ITGA8: variants seen among roughly 807,000 people sequenced by gnomAD.
ITGA8 encodes integrin alpha-8.
A neutral mutation model predicts 142.3 loss-of-function variants in ITGA8; 91 were observed. That is an observed-to-expected ratio of 0.64 (90% CI 0.54 to 0.76). The LOEUF (loss-of-function observed/expected upper bound fraction) is 0.76. Among genes scored for constraint, ITGA8 ranks in the 30% least tolerant of loss-of-function variants. The probability of loss-of-function intolerance (pLI) is 0.00; values close to 1 mark genes in which losing one functional copy is unlikely to be tolerated. For synonymous variants in ITGA8, 505 were observed against 485.2 expected (o/e 1.04, Z -0.54); for missense variants, 1,406 against 1,327.7 (o/e 1.06, Z -0.92).
At chr10:15,646,441 T>C (rs1035600418) in intron 12 of ITGA8, among the ~76,000 whole-genome samples, 1 of 152,216 alleles carries the variant, frequency 6.6e-6, no homozygotes, top group Non-Finnish European at 1.5e-5. Flanking sequence ...AACCATTACC[T>C]GGAGCTCTGA....
intron 20 of ITGA8, among the ~76,000 whole-genome samples, chr10:15,600,238 C>A (rs1157472416): frequency 6.6e-6 from 1 of 151,870 alleles, no homozygotes. Context: ...TTAGGTATAT[C>A]TCCTAATGCT....
At chr10:15,557,121 C>T (rs1327733627) in intron 26 of ITGA8, among the ~76,000 whole-genome samples, 1 of 152,184 alleles carries the variant, frequency 6.6e-6, no homozygotes, top group African/African-American at 2.4e-5. Flanking sequence ...TGGCTCATGC[C>T]TATACTCCCA....
At chr10:15,637,555 A>G (rs1026869133) in intron 13 of ITGA8, among the ~76,000 whole-genome samples, 1 of 143,770 alleles carries the variant, frequency 7.0e-6, no homozygotes, top group Non-Finnish European at 1.5e-5. Context: ...CCTGTTGTCC[A>G]GGCTGGAGTG....
chr10:15,637,504 A>ATTTTTTTTTTTTTTTTTTTTTTT (rs59157680), intron 13 of ITGA8, among the ~76,000 whole-genome samples: 3 of 131,162 alleles, frequency 2.3e-5, no homozygotes, highest in Non-Finnish European at 3.3e-5. Context: ...GACTCTTTAA[A>ATTTTTTTTTTTTTTTTTTTTTTT]TTTTTTTTTT....
At chr10:15,649,101 A>G (rs1834039272) in intron 11 of ITGA8, among the ~76,000 whole-genome samples, 1 of 152,096 alleles carries the variant, frequency 6.6e-6, no homozygotes, top group African/African-American at 2.4e-5. Context: ...GTTGTGAGCC[A>G]AACCAAGTGT....
At chr10:15,716,987 A>AT (rs1835466434) in intron 2 of ITGA8, among the ~76,000 whole-genome samples, 3 of 152,150 alleles carry the variant, frequency 2.0e-5, no homozygotes, top group African/African-American at 7.2e-5. Context: ...AATATTGAAA[A>AT]TTTTCAGTTA....
At position 15,613,669 on chromosome 10, in the gene ITGA8, G is replaced by T. The variant is rs746556051; in HGVS notation, c.1544C>A (p.Ser515Tyr). The stretch of plus-strand genomic sequence containing the variant: ...CACCGGACTAACTCACCAGGCAGCA[G>T]ATGTCATAGAGTCTGGAACCTGGCA... ...KTCQVPDSMTSAACFSLRVCA... is the reference protein window; with the variant it reads ...KTCQVPDSMTYAACFSLRVCA... The change falls in exon 15 of 30, where the codon TCT (serine) becomes TAT (tyrosine). Residue 515 changes from serine to tyrosine, a missense_variant. Physicochemically the swap from Ser to Tyr is moderately radical, Grantham distance 144. Coordinates refer to ENST00000378076, the MANE Select transcript of ITGA8 (RefSeq NM_003638.3). The T allele has an allele frequency of 3.1e-6, 5 of 1,609,042 alleles. No individual in the cohort carries two copies. The Admixed American group carries it at 8.3e-5, about 27-fold the overall frequency.
chr10:15,610,918 G>A (rs1833282575), intron 15 of ITGA8, among the ~76,000 whole-genome samples: 1 of 152,054 alleles, frequency 6.6e-6, no homozygotes, highest in African/African-American at 2.4e-5. Flanking sequence ...TAATTGGTTA[G>A]TCACCAGTTA....
intron 23 of ITGA8, among the ~76,000 whole-genome samples, chr10:15,579,616 T>G (rs986457984): frequency 1.6e-4 from 24 of 152,098 alleles, no homozygotes; most frequent in South Asian, 1.2e-3. Context: ...GATATAAAAA[T>G]AAGATAGTAG....
rs150966870 is a variant in ITGA8 at position 15,535,290 on chromosome 10, C to G, written c.2881-4139G>C. ...CGCCCCCTGCTCCACGGTACCCAGT[C>G]CCATCAACCACCCAAGGGCTGAGGA... On this transcript the variant is annotated intron_variant, in intron 27 of 29. Transcript: ENST00000378076. Among the ~76,000 whole-genome samples, 373 of 152,306 alleles carry G rather than the reference C, an allele frequency of 2.4e-3. 14 individuals carry two copies. The East Asian group carries it at 0.058, about 24-fold the overall frequency.
chr10:15,718,526 G>T (rs1835495103), intron 2 of ITGA8, among the ~76,000 whole-genome samples: 1 of 152,168 alleles, frequency 6.6e-6, no homozygotes, highest in Non-Finnish European at 1.5e-5. Context: ...GGAGTTGCCA[G>T]GATGCATCCG....
intron 23 of ITGA8, among the ~76,000 whole-genome samples, chr10:15,578,276 A>G (rs1190940604): frequency 1.3e-5 from 2 of 152,112 alleles, no homozygotes; most frequent in Non-Finnish European, 2.9e-5. Context: ...ATCATACAGG[A>G]TGCAATCTTT....
chr10:15,718,803 C>G lies in ITGA8; in HGVS notation c.306G>C (p.Gly102=). Residue 102 remains glycine (G), a synonymous_variant, in exon 2 of 30, where the codon GGG becomes GGC. Coordinates refer to ENST00000378076, the MANE Select transcript of ITGA8 (RefSeq NM_003638.3). ...ACGGTATCTGCCTGCACTGCGCAGACCCCTCCGCGGGCCAAGGACAGTAAT... is the reference window on the plus strand; with the variant it reads ...ACGGTATCTGCCTGCACTGCGCAGAGCCCTCCGCGGGCCAAGGACAGTAAT... ...AVYYCPWPAE[G]SAQCRQIPFD... 6.2e-7 allele frequency: 1 copy of G among 1,614,188 alleles called. No homozygotes were observed. The highest frequency in any genetic ancestry group is 8.5e-7 in the Non-Finnish European group (1 of 1,180,038).
intron 25 of ITGA8, among the ~76,000 whole-genome samples, chr10:15,569,780 T>A (rs1488408140): frequency 1.3e-5 from 2 of 152,178 alleles, no homozygotes; most frequent in Non-Finnish European, 1.5e-5. Context: ...TTATTAAAAT[T>A]AAAAATTTCT....
chr10:15,552,691 C>T (rs764302070), intron 26 of ITGA8, among the ~76,000 whole-genome samples: 1 of 152,198 alleles, frequency 6.6e-6, no homozygotes, highest in African/African-American at 2.4e-5. Flanking sequence ...CCTATCCCCT[C>T]ACCCCCGGGC....
At chr10:15,540,682 C>T (rs1833551244) in intron 27 of ITGA8, among the ~76,000 whole-genome samples, 1 of 152,184 alleles carries the variant, frequency 6.6e-6, no homozygotes, top group African/African-American at 2.4e-5. Flanking sequence ...GGTGAATGGG[C>T]TGGCTGGGCA....
chr10:15,605,593 C>T, intron 19 of ITGA8, 131 bp downstream of exon 19: 1 of 737,172 alleles, frequency 1.4e-6, no homozygotes, highest in South Asian at 1.8e-5. Flanking sequence ...CAAAGTGTAG[C>T]CAAGCTCAAG....
chr10:15,571,674 T>A (rs998600915), intron 25 of ITGA8, among the ~76,000 whole-genome samples: 9 of 152,156 alleles, frequency 5.9e-5, no homozygotes, highest in Non-Finnish European at 8.8e-5. Context: ...GCCAGGTGAT[T>A]CAGAGGAAGT....
chr10:15,604,848 A>C (rs1351757005), intron 19 of ITGA8, among the ~76,000 whole-genome samples: 1 of 152,164 alleles, frequency 6.6e-6, no homozygotes, highest in African/African-American at 2.4e-5. Flanking sequence ...AAAGGAAATA[A>C]TGAGAGGGAA....
Sources: allele counts gnomAD v4.1 joint callset (sites outside exome capture counted in the v4.1 genomes callset), GRCh38; gene constraint gnomAD v4.1.1; transcripts MANE v1.5; gene names NCBI Gene and HGNC (gene_info 2026-07-23, HGNC 2026-07-21).